Variants in MGA observed in about 807,000 individuals in gnomAD.
MGA encodes the protein MAX gene-associated protein.
In MGA, 40 loss-of-function variants were observed where a neutral mutation model predicts 261.1. That is an observed-to-expected ratio of 0.15 (90% CI 0.12 to 0.20). MGA has a LOEUF of 0.20. MGA is among the 10% of genes least tolerant of loss of function. The pLI is 1.00. For synonymous variants in MGA, 1,302 were observed against 1,290.6 expected (o/e 1.01, Z -0.19); for missense variants, 3,397 against 3,630.5 (o/e 0.94, Z 1.65).
intron 21 of MGA, 26 bp from the exon 22 acceptor site, chr15:41,762,103 T>G: frequency 6.5e-7 from 1 of 1,546,604 alleles, no homozygotes; most frequent in Non-Finnish European, 8.9e-7. Flanking sequence ...ATGCTGAAAG[T>G]GCTAATGTAT....
Position 41,711,222 on chromosome 15 carries a change from C to T in MGA, c.2957C>T (p.Pro986Leu). Residue 986 changes from proline to leucine, a missense_variant, in exon 8 of 24, where the codon CCA becomes CTA. By Grantham distance (98) the Pro-to-Leu change is moderately conservative. This residue lies in a region of MGA where 519 missense variants were observed against 554.1 expected (regional missense o/e 0.94). Coordinates refer to ENST00000219905, the MANE Select transcript of MGA (RefSeq NM_001164273.2). ...CAACAGCAACAGGGAAGTCGCCCTC[C>T]AGGCTTGTCTAAATCTCAGGTGAAG... 2.5e-6 allele frequency: 4 copies of T among 1,614,034 alleles called. No homozygotes were observed. Among genetic ancestry groups the T allele is most frequent in the Non-Finnish European group, 3.4e-6 (4 of 1,179,908 alleles).
At chr15:41,685,406 C>G (rs2151148524) in intron 2 of MGA, among the ~76,000 whole-genome samples, 1 of 152,196 alleles carries the variant, frequency 6.6e-6, no homozygotes. Context: ...TAAGGTAAGC[C>G]TTTGAACCCC....
intron 2 of MGA, among the ~76,000 whole-genome samples, chr15:41,680,785 T>C (rs2058627783): frequency 6.6e-6 from 1 of 152,258 alleles, no homozygotes; most frequent in Admixed American, 6.5e-5. Context: ...CCAGGAAGCT[T>C]TATTAAGCTT....
chr15:41,682,453 T>C (rs1238738821), intron 2 of MGA, among the ~76,000 whole-genome samples: 1 of 152,078 alleles, frequency 6.6e-6, no homozygotes, highest in Non-Finnish European at 1.5e-5. Context: ...AACTTTACAT[T>C]TGCTATTTTC....
chr15:41,708,360 C>T (rs1039564284), intron 7 of MGA, among the ~76,000 whole-genome samples, 152 bp downstream of exon 7: 2 of 152,076 alleles, frequency 1.3e-5, no homozygotes, highest in South Asian at 4.1e-4. Context: ...TCTTGTTGCC[C>T]AGGCTGGAGT....
At chr15:41,755,435 A>C (rs928121068) in intron 18 of MGA, among the ~76,000 whole-genome samples, 6 of 152,196 alleles carry the variant, frequency 3.9e-5, no homozygotes, top group African/African-American at 9.7e-5. Context: ...ACTTAATTAG[A>C]CTTAATGAGT....
At chr15:41,633,351 G>T (rs967007955) in intron 1 of MGA, among the ~76,000 whole-genome samples, 1 of 102,440 alleles carries the variant, frequency 9.8e-6, no homozygotes. Flanking sequence ...GCCCTCCTAT[G>T]GTATTTTTTT....
chr15:41,694,181 G>T (rs2059430484), intron 2 of MGA, among the ~76,000 whole-genome samples: 1 of 152,092 alleles, frequency 6.6e-6, no homozygotes, highest in South Asian at 2.1e-4. Flanking sequence ...ACTTTGGGAG[G>T]CTGAGGTGGG....
chr15:41,760,208 A>G (rs549007092), intron 19 of MGA, 115 bp from the exon 20 acceptor site: 11 of 937,336 alleles, frequency 1.2e-5, no homozygotes, highest in Non-Finnish European at 1.9e-5. Context: ...AGAGGCTGTT[A>G]CAACAGTCCA....
chr15:41,762,077 C>T, intron 21 of MGA, 52 bp from the exon 22 acceptor site: 1 of 1,403,064 alleles, frequency 7.1e-7, no homozygotes. Flanking sequence ...GACTCTGTTT[C>T]TCATTATGTG....
chr15:41,767,643 G>A lies in MGA; in HGVS notation c.*363G>A. On this transcript the variant is annotated 3_prime_UTR_variant, in exon 24 of 24. Transcript: ENST00000219905. ...AGCGAAAGAGCTGTTTGCAACTTTG[G>A]AGTTGCTGTAGACTGAACTGTAGCT... 4.0e-6 allele frequency: 1 copy of A among 249,158 alleles called. No individual in the cohort carries two copies. The highest frequency in any genetic ancestry group is 8.2e-5 in the South Asian group (1 of 12,162). The allele number at this position is 249,158 out of a possible 1,614,324, so 15.4% of individuals were successfully genotyped here.
intron 7 of MGA, 45 bp downstream of exon 7, chr15:41,708,253 C>T (rs1366227453): frequency 2.3e-6 from 3 of 1,294,734 alleles, no homozygotes; most frequent in Non-Finnish European, 3.2e-6. Context: ...AAACATGTAG[C>T]CAGAAACCTT....
intron 1 of MGA, among the ~76,000 whole-genome samples, chr15:41,628,228 C>T (rs1415997511): frequency 6.6e-6 from 1 of 151,950 alleles, no homozygotes; most frequent in East Asian, 1.9e-4. Context: ...AAAAAATTAG[C>T]TGGGTGTGGT....
intron 5 of MGA, among the ~76,000 whole-genome samples, chr15:41,699,624 C>T (rs1387877448): frequency 1.3e-5 from 2 of 152,184 alleles, no homozygotes; most frequent in East Asian, 3.9e-4. Context: ...GCCTCAGCCT[C>T]CCAAGTAGCT....
intron 5 of MGA, among the ~76,000 whole-genome samples, chr15:41,699,616 C>T (rs984280153): frequency 2.0e-5 from 3 of 152,202 alleles, no homozygotes; most frequent in Non-Finnish European, 4.4e-5. Context: ...ATTCTCCTGC[C>T]TCAGCCTCCC....
intron 9 of MGA, among the ~76,000 whole-genome samples, chr15:41,717,581 A>T (rs1342959443): frequency 1.3e-5 from 2 of 152,192 alleles, no homozygotes; most frequent in Non-Finnish European, 2.9e-5. Flanking sequence ...TCAAGAAGAA[A>T]TAGGTGACTG....
rs888722770 is a variant in MGA, at chr15:41,710,910, C to A, written c.2645C>A (p.Thr882Asn). ...AAGCAATCTACTATTTCCCCTTCTA[C>A]CTCTTATTCTTTGAAACCTCATTCT... The change falls in exon 8 of 24, where the codon ACC (threonine) becomes AAC (asparagine). Residue 882 changes from threonine to asparagine, a missense_variant. This residue lies in a region of MGA where 519 missense variants were observed against 554.1 expected (regional missense o/e 0.94). Transcript: ENST00000219905. The A allele has an allele frequency of 1.5e-5, 25 of 1,613,824 alleles. No homozygotes were observed. Among genetic ancestry groups the A allele is most frequent in the Non-Finnish European group, 2.0e-5 (24 of 1,179,860 alleles).
chr15:41,635,296 T>C (rs1312604929), intron 1 of MGA, among the ~76,000 whole-genome samples: 6 of 152,128 alleles, frequency 3.9e-5, no homozygotes, highest in Admixed American at 2.6e-4. Context: ...GTCCTACCAC[T>C]GCACTCCAGC....
intron 9 of MGA, among the ~76,000 whole-genome samples, chr15:41,717,376 C>G (rs1331287169): frequency 6.6e-6 from 1 of 151,966 alleles, no homozygotes; most frequent in East Asian, 1.9e-4. Context: ...GAAAAAAAAT[C>G]AATAAAATTG....
Sources: allele counts gnomAD v4.1 joint callset (sites outside exome capture counted in the v4.1 genomes callset), GRCh38; gene constraint gnomAD v4.1.1; regional missense constraint gnomAD v4.1.1; transcripts MANE v1.5; gene names NCBI Gene and HGNC (gene_info 2026-07-23, HGNC 2026-07-21).